Variants in SLIT3 observed in about 807,000 individuals in gnomAD.
SLIT3 encodes the protein slit guidance ligand 3, also known as slit homolog 3 protein.
In SLIT3, 68 loss-of-function variants were observed where a neutral mutation model predicts 184.0. The ratio of observed to expected loss-of-function variants is 0.37; its 90% CI spans 0.30 to 0.45. SLIT3 has a LOEUF of 0.45. Among genes scored for constraint, SLIT3 ranks in the 20% least tolerant of loss-of-function variants. The pLI is 1.00. For missense variants in SLIT3, 1,707 were observed against 2,026.0 expected (o/e 0.84, Z 3.02); for synonymous variants, 831 against 828.6 (o/e 1.00, Z -0.05).
intron 4 of SLIT3, among the ~76,000 whole-genome samples, chr5:168,923,700 T>C (rs990789894): frequency 6.6e-6 from 1 of 152,162 alleles, no homozygotes; most frequent in Admixed American, 6.5e-5. Context: ...ATATTTTTAC[T>C]ACAGACTGGG....
At chr5:168,712,059 A>T (rs549508993) in intron 24 of SLIT3, among the ~76,000 whole-genome samples, 2 of 152,342 alleles carry the variant, frequency 1.3e-5, no homozygotes, top group Non-Finnish European at 1.5e-5. Flanking sequence ...GTTTTCTATT[A>T]GTTCTTATTA....
At chr5:169,244,042 TA>T (rs1765493472) in intron 3 of SLIT3, among the ~76,000 whole-genome samples, 2 of 152,228 alleles carry the variant, frequency 1.3e-5, no homozygotes, top group East Asian at 3.8e-4. Flanking sequence ...TCTGCAAAAG[TA>T]TTCATCAACA....
chr5:169,022,501 A>G (rs542606479), intron 4 of SLIT3, among the ~76,000 whole-genome samples: 1 of 152,352 alleles, frequency 6.6e-6, no homozygotes, highest in East Asian at 1.9e-4. Context: ...GTTACAAACA[A>G]TAAAAGTCAC....
intron 29 of SLIT3, among the ~76,000 whole-genome samples, chr5:168,690,570 C>T (rs1167789982): frequency 6.6e-6 from 1 of 152,216 alleles, no homozygotes; most frequent in Non-Finnish European, 1.5e-5. Flanking sequence ...TCATTCTTCC[C>T]TGTCCCCTCA....
intron 4 of SLIT3, among the ~76,000 whole-genome samples, chr5:169,123,194 T>C (rs534117994): frequency 6.7e-4 from 102 of 152,192 alleles, no homozygotes; most frequent in African/African-American, 2.0e-3. Flanking sequence ...AAGACTTCAG[T>C]TTGTAAAGAA....
At chr5:168,716,760 G>A (rs1490599918) in intron 23 of SLIT3, among the ~76,000 whole-genome samples, 1 of 151,686 alleles carries the variant, frequency 6.6e-6, no homozygotes, top group African/African-American at 2.4e-5. Flanking sequence ...GGAAGAAAAT[G>A]CCTCATTTTT....
At chr5:169,255,139 T>C (rs894329894) in intron 1 of SLIT3, among the ~76,000 whole-genome samples, 3 of 152,374 alleles carry the variant, frequency 2.0e-5, no homozygotes, top group Admixed American at 6.5e-5. Flanking sequence ...TGCAGTTATG[T>C]ACAGTACCTA....
intron 12 of SLIT3, among the ~76,000 whole-genome samples, chr5:168,785,060 T>C (rs1407130233): frequency 3.3e-5 from 5 of 151,806 alleles, no homozygotes; most frequent in African/African-American, 1.2e-4. Context: ...TCTTCTCCAC[T>C]GCTTAAAGGA....
intron 14 of SLIT3, among the ~76,000 whole-genome samples, chr5:168,763,280 T>C (rs933028473): frequency 7.2e-5 from 11 of 151,954 alleles, no homozygotes; most frequent in Admixed American, 6.6e-4. Flanking sequence ...GGCTGTAAGA[T>C]TGGGAAGACA....
chr5:169,098,589 T>C (rs926213832), intron 4 of SLIT3, among the ~76,000 whole-genome samples: 2 of 152,098 alleles, frequency 1.3e-5, no homozygotes, highest in African/African-American at 2.4e-5. Context: ...TCCCGTACAG[T>C]TTAGTAGACA....
intron 4 of SLIT3, among the ~76,000 whole-genome samples, chr5:169,175,911 C>T (rs993800176): frequency 4.6e-5 from 7 of 152,180 alleles, no homozygotes; most frequent in Non-Finnish European, 8.8e-5. Context: ...GTGACTTCCA[C>T]GTCCCCCATA....
At chr5:168,919,435 ATT>A (rs1415947779) in intron 4 of SLIT3, among the ~76,000 whole-genome samples, 2 of 152,120 alleles carry the variant, frequency 1.3e-5, no homozygotes, top group African/African-American at 4.8e-5. Context: ...AAGAAAAATA[ATT>A]ATGTTTTGAG....
chr5:168,917,282 C>T (rs1424405243), intron 4 of SLIT3, among the ~76,000 whole-genome samples: 2 of 152,180 alleles, frequency 1.3e-5, no homozygotes, highest in East Asian at 3.8e-4. Flanking sequence ...AAGTCCTAGT[C>T]TTACTATACC....
At chr5:168,823,474 A>G (rs1757603545) in intron 6 of SLIT3, 143 bp from the exon 7 acceptor site, 1 of 740,488 alleles carries the variant, frequency 1.4e-6, no homozygotes, top group Non-Finnish European at 2.5e-6. Flanking sequence ...GCAGCTGAAG[A>G]CAAGTGGACA....
chr5:168,777,192 G>A (rs1181820385), intron 12 of SLIT3, among the ~76,000 whole-genome samples: 12 of 151,958 alleles, frequency 7.9e-5, no homozygotes, highest in Non-Finnish European at 1.3e-4. Context: ...AGGTTCCCTG[G>A]AGGCAGCCAT....
intron 3 of SLIT3, among the ~76,000 whole-genome samples, chr5:169,202,438 G>A (rs1255241473): frequency 6.6e-6 from 1 of 152,074 alleles, no homozygotes; most frequent in Admixed American, 6.6e-5. Context: ...GGAAACTGAG[G>A]CACAGCAAGG....
At chr5:168,675,527 C>G (rs1300387972) in intron 32 of SLIT3, among the ~76,000 whole-genome samples, 1 of 152,154 alleles carries the variant, frequency 6.6e-6, no homozygotes, top group East Asian at 1.9e-4. Context: ...CCTCACAGAA[C>G]TATTGTGATG....
intron 9 of SLIT3, among the ~76,000 whole-genome samples, chr5:168,797,496 G>A (rs1042041977): frequency 2.0e-5 from 3 of 152,224 alleles, no homozygotes; most frequent in Admixed American, 2.0e-4. Context: ...GGCTAGCACT[G>A]GGTGTGAGGT....
At chr5:168,866,150 C>T (rs1759292649) in intron 5 of SLIT3, among the ~76,000 whole-genome samples, 2 of 152,148 alleles carry the variant, frequency 1.3e-5, no homozygotes, top group South Asian at 2.1e-4. Flanking sequence ...GCAGCCTAGC[C>T]GGGGTCATGT....
Sources: allele counts gnomAD v4.1 joint callset (sites outside exome capture counted in the v4.1 genomes callset), GRCh38; gene constraint gnomAD v4.1.1; transcripts MANE v1.5; gene names NCBI Gene and HGNC (gene_info 2026-07-23, HGNC 2026-07-21).